Variants in SLC4A1 observed in about 807,000 individuals in gnomAD.
The protein encoded by SLC4A1 is solute carrier family 4 member 1 (Diego blood group), also known as band 3 anion transport protein.
In SLC4A1, 29 loss-of-function variants were observed where a neutral mutation model predicts 93.1. The observed-to-expected ratio is 0.31, with a 90% CI of 0.23 to 0.42. The LOEUF is 0.42. Ranked by LOEUF, SLC4A1 falls within the 20% of genes least tolerant of loss-of-function variation. The pLI, the probability that SLC4A1 is intolerant of heterozygous loss-of-function variation, is 1.00. For missense variants in SLC4A1, 965 were observed against 1,190.1 expected, an observed-to-expected ratio of 0.81 and a Z score of 2.78; for synonymous variants, 469 against 497.2, an observed-to-expected ratio of 0.94 and a Z score of 0.76.
At position 44,259,320 on chromosome 17, in the gene SLC4A1, G is replaced by C. The variant is rs764833865; in HGVS notation, c.719C>G (p.Pro240Arg). The C allele has an allele frequency of 6.2e-7, 1 of 1,613,792 alleles. No homozygotes were observed. Among genetic ancestry groups the C allele is most frequent in the Non-Finnish European group, 8.5e-7 (1 of 1,179,986 alleles). The change falls in exon 9 of 20, where the codon CCG (proline) becomes CGG (arginine). Residue 240 changes from proline to arginine, a missense_variant. By Grantham distance (103) the Pro-to-Arg change is moderately radical (BLOSUM62 -2). Coordinates refer to ENST00000262418, the MANE Select transcript of SLC4A1 (RefSeq NM_000342.4). ...LVGRADFLEQ[P>R]VLGFVRLQEA... ...CTGCAGCCTCACGAAGCCCAGCACCGGCTGCTCCAGGAAGTCGGCGCGGCC... is the reference window on the plus strand; with the variant it reads ...CTGCAGCCTCACGAAGCCCAGCACCCGCTGCTCCAGGAAGTCGGCGCGGCC...
intron 3 of SLC4A1, chr17:44,262,025 A>C (rs1484080186): frequency 6.8e-6 from 8 of 1,177,698 alleles, no homozygotes; most frequent in Admixed American, 3.7e-5. Context: ...CTCTCCTCCC[A>C]CCTGCCTCAA....
rs5035 is a variant in SLC4A1 at position 44,261,630 on chromosome 17, T to A, written c.113A>T (p.Asp38Val). 5.6e-6 allele frequency: 9 copies of A among 1,614,024 alleles called. No homozygotes were observed. The highest frequency in any genetic ancestry group is 3.3e-5 in the South Asian group (3 of 91,082). ...GTAGTCTGTGGCTGTTGCCTCGGTG[T>A]CGTGAGCTGAAAACCAGAGGTCGGT... ...ESQMEEPAAH[D>V]TEATATDYHT... is the part of the protein sequence containing the mutation. Residue 38 changes from aspartate to valine, a missense_variant, in exon 4 of 20, where the codon GAC (aspartate) becomes GTC (valine). Coordinates refer to ENST00000262418, the MANE Select transcript of SLC4A1 (RefSeq NM_000342.4).
At position 44,249,126 on chromosome 17, in the gene SLC4A1, T is replaced by G. The variant is rs1327518452; in HGVS notation, c.*1332A>C. On this transcript the variant is annotated 3_prime_UTR_variant, in exon 20 of 20. Transcript: ENST00000262418. Reference sequence around the variant, plus strand: ...ATCCGCCCAACTTGGCCTCCCAAAGTGCTGGGATTACAAACGTGAGCCACT... The same window carrying G: ...ATCCGCCCAACTTGGCCTCCCAAAGGGCTGGGATTACAAACGTGAGCCACT... The G allele has an allele frequency of 4.4e-6, 2 of 452,490 alleles. No individual in the cohort carries two copies. Among genetic ancestry groups the G allele is most frequent in the East Asian group, 1.4e-4 (2 of 14,002 alleles). The allele number at this position is 452,490 out of a possible 1,614,324, so 28.0% of individuals were successfully genotyped here.
Position 44,258,248 on chromosome 17 carries a change from G to A in SLC4A1, c.1088-68C>T. On this transcript the variant is annotated intron_variant, in intron 10 of 19. Coordinates refer to ENST00000262418, the MANE Select transcript of SLC4A1 (RefSeq NM_000342.4). The surrounding 1 kb of genome is among the most constrained non-coding windows in gnomAD (Gnocchi z 6.1). ...GGAGGTGAGGGGAAAGGGGACTGGA[G>A]GGTGTAGGGGAGATTGTCTGATGGG... The A allele has an allele frequency of 6.6e-7, 1 of 1,509,060 alleles. No homozygotes were observed. The highest frequency in any genetic ancestry group is 9.2e-7 in the Non-Finnish European group (1 of 1,086,432). 93.5% of individuals were successfully genotyped at this position (1,509,060 alleles called of 1,614,324 possible).
Position 44,251,666 on chromosome 17 carries a change from C to T in SLC4A1, c.2312-78G>A, listed in dbSNP as rs1598295638. 2.9e-6 allele frequency: 4 copies of T among 1,356,154 alleles called. No homozygotes were observed. In the East Asian group the frequency reaches 9.5e-5, roughly 32 times the overall value. 84.0% of individuals were successfully genotyped at this position (1,356,154 alleles called of 1,614,324 possible). A position where few individuals can be genotyped will look rare whatever the true frequency, so the allele number is the denominator to read the frequency against. On this transcript the variant is annotated intron_variant, in intron 17 of 19. Coordinates refer to ENST00000262418, the MANE Select transcript of SLC4A1 (RefSeq NM_000342.4). ...TGGGGGGTCAGGCCCCTATCTGGGG[C>T]TGGGAATAAAACACAGGCACCATAT...
At position 44,249,218 on chromosome 17, in the gene SLC4A1, C is replaced by A; in HGVS notation, c.*1240G>T. On this transcript the variant is annotated 3_prime_UTR_variant, in exon 20 of 20. Coordinates refer to ENST00000262418, the MANE Select transcript of SLC4A1 (RefSeq NM_000342.4). ...TGTTTCCTCCATCTCTCACCACTTT[C>A]ACGTCTTTCAACTCTTTTTATCTTT... 1 of 451,640 alleles carries A rather than the reference C, an allele frequency of 2.2e-6. No homozygotes were observed. Among genetic ancestry groups the A allele is most frequent in the South Asian group, 1.6e-5 (1 of 63,384 alleles). The allele number at this position is 451,640 out of a possible 1,614,324, so 28.0% of individuals were successfully genotyped here.
chr17:44,266,917 C>T (rs563718627), intron 1 of SLC4A1, among the ~76,000 whole-genome samples: 2 of 152,302 alleles, frequency 1.3e-5, no homozygotes, highest in African/African-American at 4.8e-5. Flanking sequence ...TGGTATGGCA[C>T]CACCTTTGTG....
In SLC4A1 at chr17:44,258,716, C is replaced by T. The variant is rs978211499; in HGVS notation, c.877-93G>A. Reference sequence around the variant, plus strand: ...CAGGGCCTCCAGGAACCAGAACCCCCTCAGGCAGCAGCTCCCATTGCCAGG... The same window carrying T: ...CAGGGCCTCCAGGAACCAGAACCCCTTCAGGCAGCAGCTCCCATTGCCAGG... On this transcript the variant is annotated intron_variant, in intron 9 of 19. Transcript: ENST00000262418. The surrounding 1 kb of genome is among the most constrained non-coding windows in gnomAD (Gnocchi z 6.1). The T allele has an allele frequency of 1.4e-5, 17 of 1,239,284 alleles. No homozygotes were observed. Among genetic ancestry groups the T allele is most frequent in the Non-Finnish European group, 1.7e-5 (15 of 866,500 alleles). 76.8% of individuals were successfully genotyped at this position (1,239,284 alleles called of 1,614,324 possible).
At chr17:44,262,969 G>A in intron 1 of SLC4A1, 35 bp from the exon 2 acceptor site, 1 of 1,573,634 alleles carries the variant, frequency 6.4e-7, no homozygotes, top group Non-Finnish European at 8.7e-7. Context: ...TGGGGCACAG[G>A]GCATCCCAGG....
At position 44,250,549 on chromosome 17, in the gene SLC4A1, G is replaced by C. The variant is rs1396025458; in HGVS notation, c.2656-11C>G. ...ATCATCAGCATCCAGCTGGAGGGGA[G>C]GGACAGGAGAGAGACAGGGTGAGAG... On this transcript the variant is annotated splice_polypyrimidine_tract_variant and intron_variant, in intron 19 of 19. Transcript: ENST00000262418. 1.9e-6 allele frequency: 3 copies of C among 1,611,410 alleles called. No individual in the cohort carries two copies. The African/African-American group carries it at 4.0e-5, about 22-fold the overall frequency.
At chr17:44,254,713 G>A in intron 15 of SLC4A1, 51 bp from the exon 16 acceptor site, 3 of 1,585,290 alleles carry the variant, frequency 1.9e-6, no homozygotes, top group Non-Finnish European at 2.6e-6. Flanking sequence ...GGATGGGGAA[G>A]GGTGGGAGCA....
intron 17 of SLC4A1, among the ~76,000 whole-genome samples, 178 bp from the exon 18 acceptor site, chr17:44,251,766 C>T (rs1185915432): frequency 2.3e-5 from 3 of 128,376 alleles, no homozygotes; most frequent in Non-Finnish European, 4.7e-5. Context: ...CAGGATCTCG[C>T]TCTGTCACCC....
At position 44,257,461 on chromosome 17, in the gene SLC4A1, C is replaced by T. The variant is rs774202833; in HGVS notation, c.1515G>A (p.Val505=). Residue 505 remains valine, a synonymous_variant, in exon 13 of 20, where the codon GTG becomes GTA. Coordinates refer to ENST00000262418, the MANE Select transcript of SLC4A1 (RefSeq NM_000342.4). ...FWLILLVVLV[V]AFEGSFLVRF... is the part of the protein sequence containing the mutation. ...GGACCAGGAAGCTACCCTCGAAGGC[C>T]ACCACCAACACCACCAGCAGGATGA... 3.3e-5 allele frequency: 54 copies of T among 1,613,968 alleles called. No individual in the cohort carries two copies. The highest frequency in any genetic ancestry group is 4.5e-5 in the Non-Finnish European group (53 of 1,180,018).
rs1478355684 is a variant in SLC4A1 at position 44,249,395 on chromosome 17, C to T, written c.*1063G>A. On this transcript the variant is annotated 3_prime_UTR_variant, in exon 20 of 20. Coordinates refer to ENST00000262418, the MANE Select transcript of SLC4A1 (RefSeq NM_000342.4). Reference sequence around the variant, plus strand: ...GAGGGGCCTGAAGTTGTGTGTGAAGCCAAACTATGTTGAAAACTCTTAGAA... The same window carrying T: ...GAGGGGCCTGAAGTTGTGTGTGAAGTCAAACTATGTTGAAAACTCTTAGAA... 3.5e-6 allele frequency: 1 copy of T among 287,514 alleles called. No homozygotes were observed. Among genetic ancestry groups the T allele is most frequent in the African/African-American group, 2.3e-5 (1 of 42,756 alleles). 17.8% of individuals were successfully genotyped at this position (287,514 alleles called of 1,614,324 possible). A position where few individuals can be genotyped will look rare whatever the true frequency, so the allele number is the denominator to read the frequency against.
chr17:44,263,707 C>CTCCTTTCT (rs1555597761), intron 1 of SLC4A1, among the ~76,000 whole-genome samples: 23 of 140,404 alleles, frequency 1.6e-4, no homozygotes, highest in African/African-American at 6.2e-4. Context: ...CCTCCCTTCC[C>CTCCTTTCT]TCCTTCCTTC....
In SLC4A1 at chr17:44,253,380, G is replaced by A. The variant is rs2144601910; in HGVS notation, c.2058-9C>T. The A allele has an allele frequency of 6.2e-7, 1 of 1,607,568 alleles. No homozygotes were observed. Among genetic ancestry groups the A allele is most frequent in the Non-Finnish European group, 8.5e-7 (1 of 1,175,290 alleles). ...GTTTGCTGACAATCAGCCTACGGTA[G>A]GGGAAGGTGAGGGGTAAGCAGGGTT... On this transcript the variant is annotated splice_polypyrimidine_tract_variant and intron_variant, in intron 16 of 19. Transcript: ENST00000262418.
chr17:44,251,136 C>T (rs1294191273), intron 19 of SLC4A1, 23 bp downstream of exon 19: 1 of 1,576,846 alleles, frequency 6.3e-7, no homozygotes. Flanking sequence ...GCTCTTGTGC[C>T]CCAGGCCCAG....
In SLC4A1 at chr17:44,263,716, TCC is replaced by T. The variant is rs1567837029; in HGVS notation, c.-68-784_-68-783del. ...TCCTTCCCTCCCTTCCCTCCTTCCT[TCC>T]TTCCTTCCTTCCTTCCTTCCTCCAT... On this transcript the variant is annotated intron_variant, in intron 1 of 19. Coordinates refer to ENST00000262418, the MANE Select transcript of SLC4A1 (RefSeq NM_000342.4). Among the ~76,000 whole-genome samples, 387 of 138,604 alleles carry T rather than the reference TCC, an allele frequency of 2.8e-3. 4 individuals are homozygous for T. The highest frequency in any genetic ancestry group is 0.012 in the African/African-American group (372 of 31,848). The allele number at this position is 138,604 out of a possible 152,430, so 90.9% of individuals were successfully genotyped here.
intron 17 of SLC4A1, among the ~76,000 whole-genome samples, chr17:44,252,205 G>A (rs999753476): frequency 3.3e-5 from 5 of 151,846 alleles, no homozygotes; most frequent in African/African-American, 9.7e-5. Context: ...ATAGGCGTGC[G>A]ACACCACGCC....
Sources: allele counts gnomAD v4.1 joint callset (sites outside exome capture counted in the v4.1 genomes callset), GRCh38; gene constraint gnomAD v4.1.1; non-coding constraint Gnocchi (gnomAD v3.1); transcripts MANE v1.5; gene names NCBI Gene and HGNC (gene_info 2026-07-23, HGNC 2026-07-21).